TENM3: variants seen among roughly 807,000 people sequenced by gnomAD.
TENM3 encodes the protein teneurin-3.
In TENM3, 63 loss-of-function variants were observed where a neutral mutation model predicts 255.1. That is an observed-to-expected ratio of 0.25 (90% CI 0.20 to 0.30). The LOEUF is 0.30. TENM3 is among the 10% of genes least tolerant of loss of function. The pLI is 1.00. For synonymous variants in TENM3, 1,306 were observed against 1,322.3 expected, an observed-to-expected ratio of 0.99 and a Z score of 0.27; for missense variants, 2,929 against 3,461.1, an observed-to-expected ratio of 0.85 and a Z score of 3.86.
chr4:181,843,904 G>A, the TENM3 span, among the ~76,000 whole-genome samples: 2 of 151,912 alleles, frequency 1.3e-5, no homozygotes, highest in Admixed American at 1.3e-4. Context: ...ATTTTTAGTA[G>A]AGACACGGTT....
the TENM3 span, among the ~76,000 whole-genome samples, chr4:181,793,771 G>T: frequency 1.3e-5 from 2 of 152,168 alleles, no homozygotes; most frequent in South Asian, 4.1e-4. Flanking sequence ...AAAATGCTGT[G>T]CTTGCATGAG....
At chr4:182,753,705 G>A in intron 21 of TENM3, 101 bp downstream of exon 21, 1 of 1,103,010 alleles carries the variant, frequency 9.1e-7, no homozygotes, top group East Asian at 2.5e-5. Context: ...CATATATCAT[G>A]TGTTGCAGTG....
At chr4:181,646,552 G>T in the TENM3 span, among the ~76,000 whole-genome samples, 1 of 152,248 alleles carries the variant, frequency 6.6e-6, no homozygotes, top group East Asian at 1.9e-4. Context: ...CAAGGGGAGA[G>T]AATTCATATT....
chr4:182,597,714 G>C (rs546299552), intron 3 of TENM3, among the ~76,000 whole-genome samples: 1 of 152,170 alleles, frequency 6.6e-6, no homozygotes, highest in East Asian at 1.9e-4. Context: ...TGGCAGTGTT[G>C]TACTTTATCT....
chr4:182,759,686 T>A (rs560845035), intron 22 of TENM3, among the ~76,000 whole-genome samples: 6 of 152,352 alleles, frequency 3.9e-5, no homozygotes, highest in African/African-American at 1.4e-4. Flanking sequence ...TAAAGGATAT[T>A]ATTGTATCTG....
chr4:182,483,017 A>G (rs1487682861), intron 3 of TENM3, among the ~76,000 whole-genome samples: 10 of 152,156 alleles, frequency 6.6e-5, no homozygotes, highest in Non-Finnish European at 1.5e-4. Flanking sequence ...CTTTAGGAAT[A>G]TTTACAGGAA....
chr4:181,613,459 T>A, the TENM3 span, among the ~76,000 whole-genome samples: 1 of 152,172 alleles, frequency 6.6e-6, no homozygotes, highest in Non-Finnish European at 1.5e-5. Flanking sequence ...ATTGCCTAAA[T>A]TCTTCTTTCA....
chr4:182,472,965 C>G (rs1370332977), intron 3 of TENM3, among the ~76,000 whole-genome samples: 1 of 152,112 alleles, frequency 6.6e-6, no homozygotes, highest in East Asian at 1.9e-4. Context: ...TCTATTATAT[C>G]ATGACTATTC....
the TENM3 span, among the ~76,000 whole-genome samples, chr4:181,829,772 C>A: frequency 6.6e-6 from 1 of 152,194 alleles, no homozygotes. Context: ...TCCAGCAGTG[C>A]TGATGGGAGT....
At chr4:181,582,287 G>C in the TENM3 span, among the ~76,000 whole-genome samples, 1 of 151,928 alleles carries the variant, frequency 6.6e-6, no homozygotes, top group Non-Finnish European at 1.5e-5. Context: ...AAAGAAAAAG[G>C]AGCAGGGAGA....
the TENM3 span, among the ~76,000 whole-genome samples, chr4:181,875,463 C>T: frequency 4.0e-5 from 6 of 149,146 alleles, no homozygotes; most frequent in East Asian, 1.2e-3. Context: ...TACAACCTAC[C>T]TCTCCATTCT....
At chr4:182,623,928 G>A (rs1750552771) in intron 4 of TENM3, among the ~76,000 whole-genome samples, 1 of 152,116 alleles carries the variant, frequency 6.6e-6, no homozygotes, top group African/African-American at 2.4e-5. Context: ...TTATGCTCAG[G>A]CACAGGAATC....
chr4:182,711,070 G>A (rs1264678528), intron 12 of TENM3, among the ~76,000 whole-genome samples: 1 of 152,174 alleles, frequency 6.6e-6, no homozygotes, highest in Non-Finnish European at 1.5e-5. Flanking sequence ...GCAGTCAAGA[G>A]ATACTGGGTA....
chr4:182,729,711 C>T (rs1760534581), intron 14 of TENM3, among the ~76,000 whole-genome samples: 1 of 152,150 alleles, frequency 6.6e-6, no homozygotes, highest in African/African-American at 2.4e-5. Context: ...ACCAGAACTC[C>T]TGGGTCTGCA....
intron 3 of TENM3, among the ~76,000 whole-genome samples, chr4:182,576,441 G>A (rs539007433): frequency 1.3e-5 from 2 of 152,296 alleles, no homozygotes; most frequent in Admixed American, 6.5e-5. Context: ...TAATTTAACA[G>A]CAATATAAGC....
intron 3 of TENM3, among the ~76,000 whole-genome samples, chr4:182,422,053 C>G (rs1288681626): frequency 6.6e-6 from 1 of 152,190 alleles, no homozygotes; most frequent in Non-Finnish European, 1.5e-5. Context: ...GGTAAAAGAC[C>G]TCTCATCTCC....
rs1195533691 is a variant in TENM3, at chr4:182,723,924, G to A, written c.2369-5041G>A. 9.9e-5 allele frequency among the ~76,000 whole-genome samples: 15 copies of A among 151,148 alleles called. No individual in the cohort carries two copies. The East Asian group carries it at 2.7e-3, about 27-fold the overall frequency. On this transcript the variant is annotated intron_variant, in intron 13 of 27. Coordinates refer to ENST00000511685, the MANE Select transcript of TENM3 (RefSeq NM_001080477.4). Reference sequence around the variant, plus strand: ...CTCTTTGGTTCTACAAAATAATTTCGCCAGCCACTGTAAAAGACCAGTGAA... The same window carrying A: ...CTCTTTGGTTCTACAAAATAATTTCACCAGCCACTGTAAAAGACCAGTGAA...
intron 5 of TENM3, among the ~76,000 whole-genome samples, chr4:182,643,269 A>T (rs1420026876): frequency 1.3e-5 from 2 of 152,246 alleles, no homozygotes; most frequent in African/African-American, 4.8e-5. Context: ...AAATTGATAC[A>T]TAAAATGAAA....
rs373314886 is a variant in TENM3 at position 182,295,237 on chromosome 4, A to AAGTGGTATAT, written c.-75-28708_-75-28699dup. 4.9e-3 allele frequency among the ~76,000 whole-genome samples: 735 copies of AAGTGGTATAT among 151,116 alleles called. 10 individuals carry two copies. Among genetic ancestry groups the AAGTGGTATAT allele is most frequent in the African/African-American group, 0.017 (695 of 41,148 alleles). ...ATTTACTCGGAATATATATGGAAACAAGTGGTATATGTGCTTTGCTTTTCT... is the reference window on the plus strand; with the variant it reads ...ATTTACTCGGAATATATATGGAAACAAGTGGTATATAGTGGTATATGTGCTTTGCTTTTCT... On this transcript the variant is annotated intron_variant, in intron 1 of 27. Coordinates refer to ENST00000511685, the MANE Select transcript of TENM3 (RefSeq NM_001080477.4).
Sources: gnomAD v4.1 joint callset for allele counts (sites outside exome capture counted in the v4.1 genomes callset) on GRCh38, gnomAD v4.1.1 for gene constraint, MANE v1.5 for transcripts, NCBI Gene and HGNC (gene_info 2026-07-23, HGNC 2026-07-21) for gene names.